Variants in TBCK observed in about 807,000 individuals in gnomAD.
TBCK encodes the protein TBC1 domain containing kinase.
TBCK carries 99 observed loss-of-function variants against 113.4 expected under a neutral mutation model. The observed-to-expected ratio is 0.87, with a 90% CI of 0.74 to 1.03. The LOEUF is 1.03. Ranked by LOEUF, TBCK falls within the 50% of genes least tolerant of loss-of-function variation. The pLI is 0.00. For missense variants in TBCK, 1,045 were observed against 1,061.3 expected, an observed-to-expected ratio of 0.98 and a Z score of 0.21; for synonymous variants, 369 against 370.8, an observed-to-expected ratio of 1.00 and a Z score of 0.05.
At chr4:106,297,488 G>A (rs1167526662) in intron 2 of TBCK, among the ~76,000 whole-genome samples, 1 of 152,138 alleles carries the variant, frequency 6.6e-6, no homozygotes, top group African/African-American at 2.4e-5. Context: ...TCTGGGCCCA[G>A]CCAGCATCAT....
chr4:106,064,791 C>T (rs1374670710), intron 25 of TBCK, among the ~76,000 whole-genome samples: 1 of 151,828 alleles, frequency 6.6e-6, no homozygotes, highest in Non-Finnish European at 1.5e-5. Flanking sequence ...CTTTCAATTT[C>T]TTCTATTCTA....
At chr4:106,259,874 T>C (rs983843587) in intron 5 of TBCK, among the ~76,000 whole-genome samples, 2 of 151,944 alleles carry the variant, frequency 1.3e-5, no homozygotes, top group African/African-American at 4.8e-5. Context: ...CAACCTTCCA[T>C]TTCTTTTGTG....
intron 13 of TBCK, 97 bp from the exon 14 acceptor site, chr4:106,236,616 A>C (rs1269411707): frequency 1.7e-6 from 2 of 1,198,610 alleles, no homozygotes; most frequent in Non-Finnish European, 2.2e-6. Context: ...ATTTCAGAAA[A>C]AGCACAAAAT....
chr4:106,238,153 A>G (rs1172848857), intron 12 of TBCK, among the ~76,000 whole-genome samples: 1 of 152,090 alleles, frequency 6.6e-6, no homozygotes, highest in Non-Finnish European at 1.5e-5. Context: ...TTAAGAGCAA[A>G]ACAAAATCAG....
intron 23 of TBCK, among the ~76,000 whole-genome samples, chr4:106,122,087 C>T (rs1744472106): frequency 6.6e-6 from 1 of 152,048 alleles, no homozygotes; most frequent in African/African-American, 2.4e-5. Context: ...AATCCAGGAG[C>T]TGGTTTTTTG....
chr4:106,085,617 C>G (rs906837658), intron 25 of TBCK, among the ~76,000 whole-genome samples: 2 of 152,216 alleles, frequency 1.3e-5, no homozygotes, highest in African/African-American at 4.8e-5. Context: ...ACCTAGTAAA[C>G]ATCTACAGAA....
At chr4:106,128,280 G>T (rs1449858321) in intron 23 of TBCK, among the ~76,000 whole-genome samples, 1 of 152,220 alleles carries the variant, frequency 6.6e-6, no homozygotes, top group East Asian at 1.9e-4. Flanking sequence ...CATACCAGAA[G>T]AACACTTAAT....
In TBCK at chr4:106,236,154, A is replaced by G. The variant is rs531448999; in HGVS notation, c.1350+236T>C. On this transcript the variant is annotated intron_variant, in intron 14 of 25. Transcript: ENST00000394708. ...CTTTTAAGTCTTCTTTTAAAAAATA[A>G]AGACATTATTCCTTTTTTAACATGA... Among the ~76,000 whole-genome samples, 11 of 152,126 alleles carry G rather than the reference A, an allele frequency of 7.2e-5. No individual in the cohort carries two copies. In the South Asian group the frequency reaches 2.3e-3, roughly 32 times the overall value.
At chr4:106,067,666 T>G (rs1034217860) in intron 25 of TBCK, among the ~76,000 whole-genome samples, 1 of 152,188 alleles carries the variant, frequency 6.6e-6, no homozygotes, top group African/African-American at 2.4e-5. Context: ...GAGTTAAATT[T>G]TATATATGGT....
At chr4:106,267,788 C>A (rs1029495522) in intron 3 of TBCK, among the ~76,000 whole-genome samples, 1 of 151,896 alleles carries the variant, frequency 6.6e-6, no homozygotes, top group Non-Finnish European at 1.5e-5. Context: ...TTTTTTATCC[C>A]TTTCCAGATA....
chr4:106,152,740 A>G (rs750996851), intron 23 of TBCK, among the ~76,000 whole-genome samples: 48 of 152,152 alleles, frequency 3.2e-4, no homozygotes, highest in Non-Finnish European at 6.3e-4. Flanking sequence ...AATTTTTATT[A>G]TGGCTTCACT....
chr4:106,268,101 T>C (rs1340588994), intron 3 of TBCK, among the ~76,000 whole-genome samples: 2 of 152,082 alleles, frequency 1.3e-5, no homozygotes, highest in Non-Finnish European at 1.5e-5. Context: ...CATCAAGACC[T>C]TGGGGTCCCT....
intron 3 of TBCK, among the ~76,000 whole-genome samples, chr4:106,274,730 GACAATGGTGATGGCTGT>G (rs1439837346): frequency 6.6e-6 from 1 of 152,166 alleles, no homozygotes; most frequent in African/African-American, 2.4e-5. Flanking sequence ...TCTAGAATTA[GACAATGGTGATGGCTGT>G]ACAATCTTGT....
At chr4:106,304,191 C>T (rs1267693065) in intron 2 of TBCK, among the ~76,000 whole-genome samples, 1 of 152,134 alleles carries the variant, frequency 6.6e-6, no homozygotes. Context: ...CAGGCTATAA[C>T]CCTTATGATA....
In TBCK at chr4:106,236,426, T is replaced by C; in HGVS notation, c.1314A>G (p.Gln438=). ...TGTCGAAGAGAATAATTCTATTTAG[T>C]TGGTACTCTGTATCCTTCTCTCTGA... ...LIIREKDTEY[Q]LNRIILFDRL... The change falls in exon 14 of 26, where the codon CAA becomes CAG. Residue 438 remains glutamine, a synonymous_variant. Transcript: ENST00000394708. The C allele has an allele frequency of 1.9e-6, 3 of 1,559,026 alleles. No homozygotes were observed. The highest frequency in any genetic ancestry group is 1.3e-5 in the South Asian group (1 of 79,534).
chr4:106,048,807 G>A (rs144188340), intron 25 of TBCK, among the ~76,000 whole-genome samples: 125 of 152,262 alleles, frequency 8.2e-4, no homozygotes, highest in African/African-American at 3.0e-3. Context: ...GCTGGAAAGA[G>A]TTCTGTTATT....
intron 24 of TBCK, among the ~76,000 whole-genome samples, chr4:106,098,582 A>C (rs544016879): frequency 1.3e-5 from 2 of 152,102 alleles, no homozygotes; most frequent in Non-Finnish European, 2.9e-5. Context: ...AAGATAAAAA[A>C]CATCATTACA....
chr4:106,192,252 C>T (rs1012056372), intron 22 of TBCK, among the ~76,000 whole-genome samples: 4 of 151,982 alleles, frequency 2.6e-5, no homozygotes, highest in African/African-American at 9.7e-5. Context: ...AAAGGCAATA[C>T]ATTTGCTTGA....
intron 3 of TBCK, among the ~76,000 whole-genome samples, chr4:106,294,299 C>T (rs891221991): frequency 6.6e-6 from 1 of 151,566 alleles, no homozygotes; most frequent in Non-Finnish European, 1.5e-5. Flanking sequence ...AAGCAATTCT[C>T]CTGCCTCAGC....
Sources: allele counts gnomAD v4.1 joint callset (sites outside exome capture counted in the v4.1 genomes callset), GRCh38; gene constraint gnomAD v4.1.1; transcripts MANE v1.5; gene names NCBI Gene and HGNC (gene_info 2026-07-23, HGNC 2026-07-21).